The following SMU1 variants were observed in gnomAD, a reference collection of about 807,000 sequenced individuals.
SMU1 encodes the protein SMU1 DNA replication regulator and spliceosomal factor, also known as WD40 repeat-containing protein SMU1.
A neutral mutation model predicts 62.0 loss-of-function variants in SMU1; 2 were observed. That is an observed-to-expected ratio of 0.03 (90% CI 0.01 to 0.10). SMU1 has a LOEUF of 0.10. Ranked by LOEUF, SMU1 falls within the 10% of genes least tolerant of loss-of-function variation. The pLI is 1.00. For synonymous variants in SMU1, 188 were observed against 212.4 expected, an observed-to-expected ratio of 0.89 and a Z score of 1.00; for missense variants, 227 against 622.1, an observed-to-expected ratio of 0.36 and a Z score of 6.76.
At chr9:33,047,453 C>A in intron 11 of SMU1, 62 bp from the exon 12 acceptor site, 1 of 1,382,368 alleles carries the variant, frequency 7.2e-7, no homozygotes, top group Non-Finnish European at 1.0e-6. Context: ...TCTGATGAGG[C>A]TTCCAGAGGT....
chr9:33,047,362 T>G lies in SMU1; in HGVS notation c.1473A>C (p.Ala491=). 1 of 1,613,930 alleles carries G rather than the reference T, an allele frequency of 6.2e-7. No homozygotes were observed. Among genetic ancestry groups the G allele is most frequent in the Non-Finnish European group, 8.5e-7 (1 of 1,179,956 alleles). ...TVHEKDVIGI[A]HHPHQNLIAT... ...CAATCAGGTTCTGATGAGGGTGATG[T>G]GCAATACCAATCACATCCTTCTCGT... is the stretch of plus-strand genomic sequence containing the variant. Residue 491 remains alanine (A), a synonymous_variant, in exon 12 of 12, where the codon GCA becomes GCC. Transcript: ENST00000397149.
At chr9:33,065,661 T>A (rs1450255769) in intron 4 of SMU1, among the ~76,000 whole-genome samples, 1 of 152,092 alleles carries the variant, frequency 6.6e-6, no homozygotes, top group East Asian at 1.9e-4. Flanking sequence ...ACTGGAGGAA[T>A]CACATACCCT....
chr9:33,072,867 A>C (rs1839503506), intron 2 of SMU1, among the ~76,000 whole-genome samples: 1 of 151,710 alleles, frequency 6.6e-6, no homozygotes, highest in Non-Finnish European at 1.5e-5. Flanking sequence ...AACAAAAACC[A>C]AAAACCAATT....
chr9:33,051,809 C>G (rs1307635443), intron 10 of SMU1, among the ~76,000 whole-genome samples: 9 of 152,036 alleles, frequency 5.9e-5, no homozygotes. Context: ...AATCCCAGCA[C>G]TTTCGGAGGC....
At chr9:33,056,556 C>G (rs990241413) in intron 8 of SMU1, among the ~76,000 whole-genome samples, 1 of 152,088 alleles carries the variant, frequency 6.6e-6, no homozygotes, top group African/African-American at 2.4e-5. Flanking sequence ...AACAGACCCT[C>G]TAAAGTGATT....
At chr9:33,068,782 G>T in intron 4 of SMU1, 42 bp downstream of exon 4, 1 of 1,605,500 alleles carries the variant, frequency 6.2e-7, no homozygotes, top group Non-Finnish European at 8.5e-7. Flanking sequence ...AAGGATGACA[G>T]GTGTGAGCCA....
chr9:33,066,740 A>G (rs1839425015), intron 4 of SMU1, among the ~76,000 whole-genome samples: 1 of 151,838 alleles, frequency 6.6e-6, no homozygotes, highest in South Asian at 2.1e-4. Flanking sequence ...CAGAAGGCGG[A>G]GGTTGCAGTG....
rs772590668 is a variant in SMU1 at position 33,060,604 on chromosome 9, G to A, written c.631-20C>T. On this transcript the variant is annotated intron_variant, in intron 5 of 11. Transcript: ENST00000397149. ...ACCAAACTGTTTCAAATGAAACAAT[G>A]AAACAGATGCATTTTTATCTAGTGG... is the stretch of plus-strand genomic sequence containing the variant. 1.2e-6 allele frequency: 2 copies of A among 1,603,164 alleles called. No individual in the cohort carries two copies. The highest frequency in any genetic ancestry group is 1.8e-5 in the Admixed American group (1 of 55,832).
At chr9:33,047,912 C>T (rs10813927) in intron 11 of SMU1, among the ~76,000 whole-genome samples, 194 bp downstream of exon 11, 50,941 of 151,680 alleles carry the variant, frequency 0.34, 8,803 homozygotes, top group Non-Finnish European at 0.37. Flanking sequence ...GTTAAGCCAC[C>T]GAGATTTGGG....
At chr9:33,076,251 T>C (rs1036190690) in intron 1 of SMU1, among the ~76,000 whole-genome samples, 9 of 152,220 alleles carry the variant, frequency 5.9e-5, no homozygotes, top group African/African-American at 2.2e-4. Flanking sequence ...CCTATCCCCT[T>C]GCGCAGATAA....
chr9:33,067,161 G>A (rs914016565), intron 4 of SMU1, among the ~76,000 whole-genome samples: 9 of 152,094 alleles, frequency 5.9e-5, no homozygotes, highest in African/African-American at 2.2e-4. Flanking sequence ...AAATAACTAT[G>A]TAAACATTGA....
Position 33,048,096 on chromosome 9 carries a change from T to A in SMU1, c.1443+10A>T. ...TATTTCTTTAGATGAACTTAGTAAG[T>A]AATACTCACTGTCAAAGTTCTCTCC... On this transcript the variant is annotated intron_variant, in intron 11 of 11. Transcript: ENST00000397149. 1 of 1,613,338 alleles carries A rather than the reference T, an allele frequency of 6.2e-7. No individual in the cohort carries two copies. Among genetic ancestry groups the A allele is most frequent in the Non-Finnish European group, 8.5e-7 (1 of 1,179,510 alleles).
chr9:33,045,644 AG>A lies in SMU1; in HGVS notation c.*1648del, dbSNP rs1388851630. The A allele has an allele frequency of 6.6e-6, 1 of 152,370 alleles. No homozygotes were observed. Among genetic ancestry groups the A allele is most frequent in the East Asian group, 1.9e-4 (1 of 5,206 alleles). The allele number at this position is 152,370 out of a possible 1,614,324, so 9.4% of individuals were successfully genotyped here. A position where few individuals can be genotyped will look rare whatever the true frequency, so the allele number is the denominator to read the frequency against. ...CGGATCACCTGAGGTCAGGAGTTCA[AG>A]ACCAGCCTGGCCAACATGGCAAAAC... On this transcript the variant is annotated 3_prime_UTR_variant, in exon 12 of 12. Coordinates refer to ENST00000397149, the MANE Select transcript of SMU1 (RefSeq NM_018225.3).
intron 10 of SMU1, among the ~76,000 whole-genome samples, chr9:33,052,823 A>G: frequency 6.6e-6 from 1 of 152,198 alleles, no homozygotes; most frequent in South Asian, 2.1e-4. Flanking sequence ...TCAGACAAAC[A>G]CTGTTATCTT....
rs1441222373 is a variant in SMU1, at chr9:33,071,798, G to A, written c.332C>T (p.Pro111Leu). ...GTTCTCCAGATGAATATATCGCTCT[G>A]GCTGTGTTTGTTTTAACATGATCAT... The part of the protein sequence containing the change: ...DPMIMLKQTQ[P>L]ERYIHLENLL... The change falls in exon 3 of 12, where the codon CCA becomes CTA. Residue 111 changes from proline to leucine, a missense_variant. Physicochemically the swap from Pro to Leu is moderately conservative, Grantham distance 98 (BLOSUM62 -3). This residue lies in a region of SMU1 where 99 missense variants were observed against 270.3 expected (regional missense o/e 0.37). Transcript: ENST00000397149. 2 of 1,610,502 alleles carry A rather than the reference G, an allele frequency of 1.2e-6. No homozygotes were observed. Among genetic ancestry groups the A allele is most frequent in the African/African-American group, 2.7e-5 (2 of 74,548 alleles).
intron 10 of SMU1, 24 bp from the exon 11 acceptor site, chr9:33,048,282 A>C (rs10971364): frequency 0.095 from 152,949 of 1,611,758 alleles, 8,182 homozygotes; most frequent in Non-Finnish European, 0.11. Context: ...CACCCCAAGA[A>C]AAAAACATCA....
chr9:33,067,297 C>CAAAAAAAAAA (rs58105257), intron 4 of SMU1, among the ~76,000 whole-genome samples: 1 of 52,746 alleles, frequency 1.9e-5, no homozygotes, highest in Non-Finnish European at 3.4e-5. Context: ...TGCTAATGAC[C>CAAAAAAAAAA]AAAAAAAAAA....
At position 33,044,865 on chromosome 9, in the gene SMU1, A is replaced by T. The variant is rs1275735474; in HGVS notation, c.*2428T>A. 6.6e-6 allele frequency: 1 copy of T among 152,226 alleles called. No homozygotes were observed. The highest frequency in any genetic ancestry group is 6.5e-5 in the Admixed American group (1 of 15,276). The allele number at this position is 152,226 out of a possible 1,614,324, so 9.4% of individuals were successfully genotyped here. On this transcript the variant is annotated 3_prime_UTR_variant, in exon 12 of 12. Transcript: ENST00000397149. ...ATACCTTGCCGCTGTGCCACACTGG[A>T]GTCCCCGGTTAGGTTCCCTGTGCTT...
chr9:33,060,208 G>T (rs73478851), intron 6 of SMU1, among the ~76,000 whole-genome samples: 10,018 of 152,068 alleles, frequency 0.066, 384 homozygotes, highest in African/African-American at 0.1. Context: ...TAGAGACGCG[G>T]TCTCACTATG....
Sources: allele counts gnomAD v4.1 joint callset (sites outside exome capture counted in the v4.1 genomes callset), GRCh38; gene constraint gnomAD v4.1.1; regional missense constraint gnomAD v4.1.1; transcripts MANE v1.5; gene names NCBI Gene and HGNC (gene_info 2026-07-23, HGNC 2026-07-21).